ZC3H12B: variants seen among roughly 807,000 people sequenced by gnomAD.
The protein encoded by ZC3H12B is zinc finger CCCH-type containing 12B, also known as probable ribonuclease ZC3H12B.
A neutral mutation model predicts 43.9 loss-of-function variants in ZC3H12B; 7 were observed. The observed-to-expected ratio is 0.16, with a 90% CI of 0.09 to 0.30. The LOEUF (loss-of-function observed/expected upper bound fraction) is 0.30, where lower values mean the gene tolerates loss of function less well. Among genes scored for constraint, ZC3H12B ranks in the 10% least tolerant of loss-of-function variants. The pLI is 1.00. For missense variants in ZC3H12B, 475 were observed against 670.2 expected (o/e 0.71, Z 3.22); for synonymous variants, 222 against 241.7 (o/e 0.92, Z 0.76).
At chrX:65,431,970 A>G (rs966680297) in intron 3 of ZC3H12B, among the ~76,000 whole-genome samples, 7 of 112,069 alleles carry the variant, frequency 6.2e-5, no homozygotes, top group African/African-American at 9.7e-5. Flanking sequence ...GTGCATGTGT[A>G]TCATGAAGAA....
the ZC3H12B span, among the ~76,000 whole-genome samples, chrX:65,248,061 G>A: frequency 9.2e-6 from 1 of 109,279 alleles, no homozygotes; most frequent in African/African-American, 3.4e-5. Context: ...TTTTTTTTTT[G>A]TGGTGGAGTC....
chrX:65,476,369 T>C (rs73629446), intron 3 of ZC3H12B, among the ~76,000 whole-genome samples: 13,768 of 111,711 alleles, frequency 0.12, 2,054 homozygotes, highest in African/African-American at 0.42. Flanking sequence ...TTCTACTTGA[T>C]CAATTTTGTT....
chrX:65,398,298 C>T (rs1206871376), intron 2 of ZC3H12B, among the ~76,000 whole-genome samples: 1 of 111,725 alleles, frequency 9.0e-6, no homozygotes, highest in African/African-American at 3.3e-5. Flanking sequence ...CCATAACAGA[C>T]CCAGAATATC....
the ZC3H12B span, among the ~76,000 whole-genome samples, chrX:65,245,240 G>A: frequency 1.8e-5 from 2 of 111,367 alleles, no homozygotes; most frequent in Non-Finnish European, 3.8e-5. Flanking sequence ...CTGAAATTGA[G>A]GCAGTAAAAA....
intron 3 of ZC3H12B, among the ~76,000 whole-genome samples, chrX:65,426,622 C>T (rs2067087398): frequency 9.0e-6 from 1 of 110,921 alleles, no homozygotes; most frequent in Admixed American, 9.7e-5. Context: ...ATAAATTTCC[C>T]TCTTAACACT....
At chrX:65,489,517 C>T (rs979016616) in intron 1 of ZC3H12B, 108 bp downstream of exon 6, 17 of 953,214 alleles carry the variant, frequency 1.8e-5, no homozygotes, top group African/African-American at 3.9e-5. Context: ...TTGACTGTGG[C>T]GTGTGTTTCT....
the ZC3H12B span, among the ~76,000 whole-genome samples, chrX:65,059,274 G>A: frequency 1.9e-4 from 19 of 99,787 alleles, no homozygotes; most frequent in South Asian, 4.7e-4. Flanking sequence ...CGCTTGTGCG[G>A]TATTGCTCAA....
the ZC3H12B span, among the ~76,000 whole-genome samples, chrX:65,075,284 A>C: frequency 8.9e-6 from 1 of 112,601 alleles, no homozygotes; most frequent in Non-Finnish European, 1.9e-5. Flanking sequence ...CTAGTAAAAT[A>C]ATTGAAGTCT....
the ZC3H12B span, among the ~76,000 whole-genome samples, chrX:65,281,087 GCTAAGGTATCACA>G: frequency 9.0e-6 from 1 of 110,886 alleles, no homozygotes; most frequent in African/African-American, 3.3e-5. Flanking sequence ...AAAGAATAAA[GCTAAGGTATCACA>G]CTACCAGACC....
chrX:65,416,746 G>T (rs1421908047), intron 3 of ZC3H12B, among the ~76,000 whole-genome samples: 3 of 106,845 alleles, frequency 2.8e-5, no homozygotes, highest in Admixed American at 1.0e-4. Flanking sequence ...CCGAGATCCC[G>T]CCACTGCACT....
chrX:65,388,355 T>C (rs1023298653), intron 2 of ZC3H12B, among the ~76,000 whole-genome samples: 25 of 111,806 alleles, frequency 2.2e-4, no homozygotes, highest in Non-Finnish European at 3.9e-4. Context: ...TATCCTTTTT[T>C]CTCTAAACTT....
the ZC3H12B span, among the ~76,000 whole-genome samples, chrX:65,254,188 GC>G: frequency 5.4e-5 from 6 of 112,085 alleles, no homozygotes; most frequent in African/African-American, 1.9e-4. Context: ...GACACCAGTG[GC>G]CCCATGCCAC....
upstream of ZC3H12B, among the ~76,000 whole-genome samples, chrX:65,363,551 C>T (rs936373859): frequency 3.6e-5 from 4 of 111,898 alleles, no homozygotes; most frequent in Non-Finnish European, 5.6e-5. Context: ...TTTCCCCACT[C>T]CTGTTTCCGT....
the ZC3H12B span, among the ~76,000 whole-genome samples, chrX:65,080,265 C>A: frequency 9.5e-6 from 1 of 105,789 alleles, no homozygotes; most frequent in South Asian, 4.2e-4. Context: ...TAGCTATTGA[C>A]CTTAACGAAG....
chrX:65,426,256 A>T (rs1000758925), intron 3 of ZC3H12B, among the ~76,000 whole-genome samples: 1 of 109,277 alleles, frequency 9.2e-6, no homozygotes, highest in Non-Finnish European at 1.9e-5. Flanking sequence ...AGAGGTGTTT[A>T]TAGCATTCTC....
At chrX:65,096,780 A>AT in the ZC3H12B span, among the ~76,000 whole-genome samples, 15 of 111,629 alleles carry the variant, frequency 1.3e-4, no homozygotes, top group African/African-American at 3.2e-4. Flanking sequence ...TTCTCTCTAA[A>AT]TTTTTTTTGT....
chrX:65,181,853 A>C, the ZC3H12B span, among the ~76,000 whole-genome samples: 1 of 112,040 alleles, frequency 8.9e-6, no homozygotes, highest in Admixed American at 9.5e-5. Context: ...GCGATTCCTC[A>C]AGGATCTAGA....
At chrX:65,048,650 A>G in the ZC3H12B span, among the ~76,000 whole-genome samples, 1 of 111,239 alleles carries the variant, frequency 9.0e-6, no homozygotes, top group Non-Finnish European at 1.9e-5. Context: ...CATATATAGT[A>G]AAAATATTAC....
chrX:65,094,417 T>C, the ZC3H12B span, among the ~76,000 whole-genome samples: 1 of 111,379 alleles, frequency 9.0e-6, no homozygotes, highest in South Asian at 3.8e-4. Context: ...CCAAGTTTGA[T>C]TACAAAACCC....
Sources: allele counts gnomAD v4.1 joint callset (sites outside exome capture counted in the v4.1 genomes callset), GRCh38; gene constraint gnomAD v4.1.1; transcripts MANE v1.5; gene names NCBI Gene and HGNC (gene_info 2026-07-23, HGNC 2026-07-21).